The following STARD13 variants were observed in gnomAD, a reference collection of about 807,000 sequenced individuals.
STARD13 encodes stAR-related lipid transfer protein 13.
Under a neutral mutation model 106.4 loss-of-function variants are expected in STARD13, and 62 were observed. That is an observed-to-expected ratio of 0.58 (90% confidence interval 0.48 to 0.72). The LOEUF is 0.72. Among genes scored for constraint, STARD13 ranks in the 30% least tolerant of loss-of-function variants. The pLI is 0.00. For synonymous variants in STARD13, 565 were observed against 553.0 expected (o/e 1.02, Z -0.31); for missense variants, 1,387 against 1,424.0 (o/e 0.97, Z 0.42).
chr13:33,315,305 A>G (rs1276091524), intron 1 of STARD13, among the ~76,000 whole-genome samples: 2 of 152,206 alleles, frequency 1.3e-5, no homozygotes, highest in African/African-American at 4.8e-5. Flanking sequence ...CTTCCACTGA[A>G]GAGAGAAAGA....
chr13:33,153,918 T>C (rs982975669), intron 3 of STARD13, among the ~76,000 whole-genome samples: 2 of 152,110 alleles, frequency 1.3e-5, no homozygotes, highest in African/African-American at 4.8e-5. Flanking sequence ...TCCAAGACAT[T>C]CAGGAACCTA....
the STARD13 span, among the ~76,000 whole-genome samples, chr13:33,405,084 A>T: frequency 0.031 from 4,665 of 151,824 alleles, 216 homozygotes; most frequent in East Asian, 0.21. Context: ...GCCTTCTGGG[A>T]CTCTTTCAAA....
At chr13:33,429,930 G>GA in the STARD13 span, among the ~76,000 whole-genome samples, 3 of 149,466 alleles carry the variant, frequency 2.0e-5, no homozygotes, top group African/African-American at 7.6e-5. Context: ...TTTTTTTTGG[G>GA]GGGGGGGGAC....
At chr13:33,183,241 T>C (rs1164391272) in intron 1 of STARD13, among the ~76,000 whole-genome samples, 12 of 152,218 alleles carry the variant, frequency 7.9e-5, no homozygotes, top group Admixed American at 7.9e-4. Flanking sequence ...ATTTACTCTT[T>C]GTACCACTAG....
the STARD13 span, among the ~76,000 whole-genome samples, chr13:33,402,170 T>C: frequency 1.3e-5 from 2 of 152,252 alleles, no homozygotes; most frequent in Non-Finnish European, 2.9e-5. Flanking sequence ...AGTGCCCTTA[T>C]ATTCAAATTG....
the STARD13 span, among the ~76,000 whole-genome samples, chr13:33,453,790 A>C: frequency 1.3e-5 from 2 of 152,232 alleles, no homozygotes; most frequent in Admixed American, 6.5e-5. Flanking sequence ...AGTGTGTAAC[A>C]GGGAGGATTT....
intron 1 of STARD13, among the ~76,000 whole-genome samples, chr13:33,192,686 G>T (rs1886335407): frequency 6.6e-6 from 1 of 152,122 alleles, no homozygotes; most frequent in Admixed American, 6.5e-5. Context: ...ATCACCTGAG[G>T]TCGGGAGTTC....
chr13:33,548,367 T>A, the STARD13 span, among the ~76,000 whole-genome samples: 1 of 152,154 alleles, frequency 6.6e-6, no homozygotes, highest in East Asian at 1.9e-4. Flanking sequence ...AAAACCCAAA[T>A]GTACAAGGGC....
chr13:33,372,255 G>A, the STARD13 span, among the ~76,000 whole-genome samples: 2 of 152,070 alleles, frequency 1.3e-5, no homozygotes, highest in African/African-American at 4.8e-5. Context: ...ATAATGAAGG[G>A]CTAAGTATGA....
At chr13:33,140,779 T>TTTTTG (rs1879715793) in intron 4 of STARD13, among the ~76,000 whole-genome samples, 1 of 151,750 alleles carries the variant, frequency 6.6e-6, no homozygotes. Flanking sequence ...TTTTTTTTTT[T>TTTTTG]TGAGGCGGAG....
At chr13:33,179,656 A>G (rs1885038589) in intron 1 of STARD13, among the ~76,000 whole-genome samples, 1 of 152,190 alleles carries the variant, frequency 6.6e-6, no homozygotes, top group African/African-American at 2.4e-5. Flanking sequence ...GGCTGTGGGC[A>G]GTGGGTCCTA....
intron 1 of STARD13, among the ~76,000 whole-genome samples, chr13:33,306,631 GA>G (rs1892914856): frequency 1.3e-5 from 2 of 151,946 alleles, no homozygotes; most frequent in South Asian, 2.1e-4. Flanking sequence ...AAATTTACAA[GA>G]AAAAAACAAA....
chr13:33,223,351 C>T (rs34820576), intron 1 of STARD13, among the ~76,000 whole-genome samples: 24,435 of 152,098 alleles, frequency 0.16, 2,615 homozygotes, highest in Admixed American at 0.32. Flanking sequence ...GTTGTATAGG[C>T]GAAATACACT....
chr13:33,542,560 C>T, the STARD13 span, among the ~76,000 whole-genome samples: 12 of 152,250 alleles, frequency 7.9e-5, no homozygotes, highest in Non-Finnish European at 1.6e-4. Context: ...CGAGACCCCG[C>T]CCCTCGCCCT....
In STARD13 at chr13:33,118,110, G is replaced by A. The variant is rs1244964843; in HGVS notation, c.2236C>T (p.Leu746Phe). Residue 746 changes from leucine to phenylalanine, a missense_variant, in exon 8 of 14, where the codon CTT (leucine) becomes TTT (phenylalanine). Transcript: ENST00000336934. ...GTCTCACTGAGCTTGTTGGTGAAAA[G>A]AGGCTCAGGGAGGTCCCGGAAGAAC... Reference protein sequence around the residue: ...KQFFRDLPEPLFTNKLSETFL... With the variant: ...KQFFRDLPEPFFTNKLSETFL... 6.2e-7 allele frequency: 1 copy of A among 1,614,104 alleles called. No homozygotes were observed. The highest frequency in any genetic ancestry group is 8.5e-7 in the Non-Finnish European group (1 of 1,180,052).
chr13:33,659,058 C>T, the STARD13 span, among the ~76,000 whole-genome samples: 1 of 152,020 alleles, frequency 6.6e-6, no homozygotes, highest in South Asian at 2.1e-4. Flanking sequence ...TGCATCTGTT[C>T]ATCTGCATCC....
intron 1 of STARD13, among the ~76,000 whole-genome samples, chr13:33,224,447 C>T (rs1420092753): frequency 1.3e-5 from 2 of 152,166 alleles, no homozygotes; most frequent in Non-Finnish European, 2.9e-5. Context: ...TTTGTGGCCA[C>T]TAAGGGTTGG....
In STARD13 at chr13:33,305,950, A is replaced by G. The variant is rs183535588; in HGVS notation, c.124+44340T>C. 5.3e-5 allele frequency among the ~76,000 whole-genome samples: 8 copies of G among 152,360 alleles called. No homozygotes were observed. The East Asian group carries it at 1.5e-3, about 29-fold the overall frequency. On this transcript the variant is annotated intron_variant, in intron 1 of 5. Coordinates refer to the STARD13 transcript ENST00000567873. The stretch of plus-strand genomic sequence containing the variant: ...CTATTCCCATTAAACTACCATTGAC[A>G]TTCTTCACAGAATTAGAAAAAACTG...
the STARD13 span, among the ~76,000 whole-genome samples, chr13:33,471,634 T>G: frequency 1.2e-5 from 1 of 86,018 alleles, no homozygotes; most frequent in South Asian, 3.2e-4. Flanking sequence ...TGGCCCCCTG[T>G]TTTTTTTTTT....
Sources: allele counts gnomAD v4.1 joint callset (sites outside exome capture counted in the v4.1 genomes callset), GRCh38; gene constraint gnomAD v4.1.1; transcripts MANE v1.5; gene names NCBI Gene and HGNC (gene_info 2026-07-23, HGNC 2026-07-21).